The following CYP7B1 variants were observed in gnomAD, a reference collection of about 807,000 sequenced individuals.
The protein encoded by CYP7B1 is cytochrome P450 7B1.
CYP7B1 carries 29 observed loss-of-function variants against 42.7 expected under a neutral mutation model. That is an observed-to-expected ratio of 0.68 (90% CI 0.51 to 0.93). CYP7B1 has a LOEUF of 0.93. CYP7B1 is among the 40% of genes least tolerant of loss of function. The pLI, the probability that CYP7B1 is intolerant of heterozygous loss-of-function variation, is 0.00. For synonymous variants in CYP7B1, 235 were observed against 218.2 expected, an observed-to-expected ratio of 1.08 and a Z score of -0.68; for missense variants, 655 against 600.5, an observed-to-expected ratio of 1.09 and a Z score of -0.95.
intron 1 of CYP7B1, among the ~76,000 whole-genome samples, chr8:64,749,152 C>T (rs1807691299): frequency 6.6e-6 from 1 of 151,870 alleles, no homozygotes; most frequent in Non-Finnish European, 1.5e-5. Context: ...GTGATCTTGG[C>T]TCACTGCAAC....
At chr8:64,759,562 C>T (rs1181521549) in intron 1 of CYP7B1, among the ~76,000 whole-genome samples, 1 of 151,762 alleles carries the variant, frequency 6.6e-6, no homozygotes, top group African/African-American at 2.4e-5. Flanking sequence ...ACAAAGAACC[C>T]GATAAATTAT....
chr8:64,748,929 C>A (rs1192856056), intron 1 of CYP7B1, among the ~76,000 whole-genome samples: 1 of 152,160 alleles, frequency 6.6e-6, no homozygotes, highest in East Asian at 1.9e-4. Flanking sequence ...AGAAAGATAA[C>A]TATGCAGATG....
chr8:64,637,731 G>A (rs1805794310), intron 1 of CYP7B1, among the ~76,000 whole-genome samples: 1 of 152,110 alleles, frequency 6.6e-6, no homozygotes. Flanking sequence ...CACATGTTTT[G>A]TGAAATAAAC....
At chr8:64,762,237 T>A (rs929113009) in intron 1 of CYP7B1, among the ~76,000 whole-genome samples, 1 of 152,146 alleles carries the variant, frequency 6.6e-6, no homozygotes, top group African/African-American at 2.4e-5. Context: ...GCTACATAAG[T>A]CTTATCTAAA....
Position 64,725,114 on chromosome 8 carries a change from C to A in CYP7B1, c.122+73352G>T, listed in dbSNP as rs77910479. On this transcript the variant is annotated intron_variant, in intron 1 of 5. Transcript: ENST00000310193. ...TCAATCCGTAACCATTAGATCACCC[C>A]CTTTGGTCCAATCACATTTCTACAT... Among the ~76,000 whole-genome samples, 4 of 152,312 alleles carry A rather than the reference C, an allele frequency of 2.6e-5. No homozygotes were observed. In the East Asian group the frequency reaches 5.8e-4, roughly 22 times the overall value.
chr8:64,684,809 CA>C (rs1806594835), intron 1 of CYP7B1, among the ~76,000 whole-genome samples: 1 of 152,100 alleles, frequency 6.6e-6, no homozygotes. Context: ...AGAAGATATA[CA>C]AAATAGATAC....
downstream of CYP7B1, among the ~76,000 whole-genome samples, chr8:64,587,020 G>T (rs1323556296): frequency 6.6e-6 from 1 of 152,072 alleles, no homozygotes; most frequent in Admixed American, 6.5e-5. Context: ...TTTTTTGCCC[G>T]GCAAATCTCT....
At chr8:64,648,068 T>C (rs548662207) in intron 1 of CYP7B1, among the ~76,000 whole-genome samples, 10 of 152,296 alleles carry the variant, frequency 6.6e-5, no homozygotes, top group South Asian at 2.1e-4. Context: ...AGCACTATAA[T>C]AGGTGACAAG....
At chr8:64,620,113 G>T (rs910375649) in intron 2 of CYP7B1, among the ~76,000 whole-genome samples, 7 of 152,086 alleles carry the variant, frequency 4.6e-5, no homozygotes, top group Non-Finnish European at 8.8e-5. Context: ...TTGAACTCAG[G>T]AATTTAAGGT....
chr8:64,763,151 C>T (rs997191710), intron 1 of CYP7B1, among the ~76,000 whole-genome samples: 2 of 152,218 alleles, frequency 1.3e-5, no homozygotes, highest in African/African-American at 2.4e-5. Flanking sequence ...AGGGTGTCCA[C>T]TGTGCTCCTG....
chr8:64,711,521 G>A (rs1033412615), intron 1 of CYP7B1, among the ~76,000 whole-genome samples: 1 of 152,122 alleles, frequency 6.6e-6, no homozygotes, highest in Non-Finnish European at 1.5e-5. Flanking sequence ...ATGAGTCCCT[G>A]CCTTAAAGAG....
intron 4 of CYP7B1, among the ~76,000 whole-genome samples, chr8:64,612,508 A>T (rs2129630107): frequency 6.6e-6 from 1 of 152,242 alleles, no homozygotes; most frequent in Non-Finnish European, 1.5e-5. Context: ...AAAAGCATTG[A>T]AAAAAGGACA....
intron 1 of CYP7B1, among the ~76,000 whole-genome samples, chr8:64,778,174 A>AATATATATATATATATATATATATAT (rs60859854): frequency 6.0e-5 from 8 of 133,244 alleles, no homozygotes; most frequent in African/African-American, 1.6e-4. Context: ...ACTAGTTTGA[A>AATATATATATATATATATATATATAT]ATATATATAT....
At chr8:64,656,222 A>C (rs1563379271) in intron 1 of CYP7B1, among the ~76,000 whole-genome samples, 2 of 152,110 alleles carry the variant, frequency 1.3e-5, no homozygotes, top group Non-Finnish European at 2.9e-5. Context: ...TAAATTAAAA[A>C]CAAACAAACA....
intron 1 of CYP7B1, among the ~76,000 whole-genome samples, chr8:64,660,145 T>C (rs2129631399): frequency 6.6e-6 from 1 of 152,356 alleles, no homozygotes; most frequent in East Asian, 1.9e-4. Context: ...TTACTGTTGC[T>C]TTGTTACAGA....
At chr8:64,587,397 C>A (rs1804983187), downstream of CYP7B1, among the ~76,000 whole-genome samples, 1 of 152,220 alleles carries the variant, frequency 6.6e-6, no homozygotes, top group Non-Finnish European at 1.5e-5. Flanking sequence ...AAAAAGAGAA[C>A]TTCAGGGGCT....
Position 64,596,730 on chromosome 8 carries a change from T to G in CYP7B1, c.1433A>C (p.Lys478Thr). The change falls in exon 6 of 6, where the codon AAG becomes ACG. Residue 478 changes from lysine (K) to threonine (T), a missense_variant. Physicochemically the swap from Lys to Thr is moderately conservative, Grantham distance 78. Coordinates refer to ENST00000310193, the MANE Select transcript of CYP7B1 (RefSeq NM_004820.5). ...GCGGCTGTAGTTTAGTCCTATGGGCTTATCATCAATTATTTCTAAATCAAA... is the reference window on the plus strand; with the variant it reads ...GCGGCTGTAGTTTAGTCCTATGGGCGTATCATCAATTATTTCTAAATCAAA... ...TYFDLEIIDD[K>T]PIGLNYSRLL... 1 of 1,613,780 alleles carries G rather than the reference T, an allele frequency of 6.2e-7. No individual in the cohort carries two copies. Among genetic ancestry groups the G allele is most frequent in the Non-Finnish European group, 8.5e-7 (1 of 1,179,772 alleles).
At chr8:64,617,894 T>C (rs74838729) in intron 2 of CYP7B1, among the ~76,000 whole-genome samples, 6,138 of 151,414 alleles carry the variant, frequency 0.041, 169 homozygotes, top group Non-Finnish European at 0.062. Flanking sequence ...TACATGAATA[T>C]ACATGTGCTA....
At chr8:64,746,712 T>C (rs1477131284) in intron 1 of CYP7B1, among the ~76,000 whole-genome samples, 1 of 152,192 alleles carries the variant, frequency 6.6e-6, no homozygotes, top group Non-Finnish European at 1.5e-5. Context: ...ATAGACTTTT[T>C]TGTTACTATT....
Sources: gnomAD v4.1 joint callset for allele counts (sites outside exome capture counted in the v4.1 genomes callset) on GRCh38, gnomAD v4.1.1 for gene constraint, MANE v1.5 for transcripts, NCBI Gene and HGNC (gene_info 2026-07-23, HGNC 2026-07-21) for gene names.